Variants in BAIAP2 observed in about 807,000 individuals in gnomAD.
The protein encoded by BAIAP2 is BAR/IMD domain-containing adapter protein 2.
A neutral mutation model predicts 63.0 loss-of-function variants in BAIAP2; 18 were observed. That is an observed-to-expected ratio of 0.29 (90% CI 0.20 to 0.42). BAIAP2 has a LOEUF of 0.42. Ranked by LOEUF, BAIAP2 falls within the 10% of genes least tolerant of loss-of-function variation. The pLI, the probability that BAIAP2 is intolerant of heterozygous loss-of-function variation, is 1.00. For synonymous variants in BAIAP2, 386 were observed against 307.6 expected, an observed-to-expected ratio of 1.25 and a Z score of -2.67; for missense variants, 610 against 734.3, an observed-to-expected ratio of 0.83 and a Z score of 1.96.
chr17:81,096,916 C>A (rs1023879684), intron 6 of BAIAP2, among the ~76,000 whole-genome samples: 2 of 152,188 alleles, frequency 1.3e-5, no homozygotes, highest in African/African-American at 2.4e-5. Context: ...GTACTTCGCG[C>A]TCCAGCTGTG....
At position 81,107,246 on chromosome 17, in the gene BAIAP2, C is replaced by T. The variant is rs899337174; in HGVS notation, c.1500+339C>T. The T allele has an allele frequency of 7.7e-5, 21 of 274,242 alleles. No homozygotes were observed. The East Asian group carries it at 1.1e-3, about 15-fold the overall frequency. 17.0% of individuals were successfully genotyped at this position (274,242 alleles called of 1,614,324 possible). A position where few individuals can be genotyped will look rare whatever the true frequency, so the allele number is the denominator to read the frequency against. Reference sequence around the variant, plus strand: ...TGGCTGGCCTAGAGGTGGGCCTGGACGCCGCCGCCTTTTGGGAGAGCCAGG... The same window carrying T: ...TGGCTGGCCTAGAGGTGGGCCTGGATGCCGCCGCCTTTTGGGAGAGCCAGG... On this transcript the variant is annotated intron_variant, in intron 12 of 13. Transcript: ENST00000428708.
chr17:81,049,682 C>T (rs1331582151), intron 1 of BAIAP2, among the ~76,000 whole-genome samples: 1 of 152,198 alleles, frequency 6.6e-6, no homozygotes, highest in Non-Finnish European at 1.5e-5. Context: ...GTTCTTTCCA[C>T]CTGGGGCCGC....
At chr17:81,110,542 C>A in intron 13 of BAIAP2, 1 of 1,133,090 alleles carries the variant, frequency 8.8e-7, no homozygotes, top group African/African-American at 1.6e-5. Flanking sequence ...CCTTCCGGTT[C>A]CCGGCGTGCG....
intron 6 of BAIAP2, among the ~76,000 whole-genome samples, chr17:81,099,019 G>A (rs1037882630): frequency 1.0e-4 from 13 of 125,392 alleles, no homozygotes; most frequent in Non-Finnish European, 1.8e-4. Flanking sequence ...GGGGACACCC[G>A]GGTGGGCACT....
intron 6 of BAIAP2, among the ~76,000 whole-genome samples, chr17:81,093,969 C>G (rs568260560): frequency 2.0e-5 from 3 of 150,430 alleles, no homozygotes; most frequent in African/African-American, 7.4e-5. Flanking sequence ...GCCGTGTGGC[C>G]ATGTTTCTCT....
intron 6 of BAIAP2, among the ~76,000 whole-genome samples, chr17:81,093,494 G>A (rs369779636): frequency 6.6e-6 from 1 of 152,048 alleles, no homozygotes; most frequent in African/African-American, 2.4e-5. Flanking sequence ...TGCAGCCCTC[G>A]CTGGCCGGTC....
chr17:81,080,512 C>T (rs1162122966), intron 3 of BAIAP2, among the ~76,000 whole-genome samples: 1 of 152,208 alleles, frequency 6.6e-6, no homozygotes, highest in Non-Finnish European at 1.5e-5. Context: ...TGCAGCTGCA[C>T]GGGCGGGTGG....
intron 4 of BAIAP2, 153 bp downstream of exon 4, chr17:81,085,046 A>G: frequency 1.3e-6 from 1 of 769,156 alleles, no homozygotes; most frequent in Admixed American, 2.2e-5. Context: ...CACAAGCCAC[A>G]CTCGAAGGAG....
At position 81,115,023 on chromosome 17, in the gene BAIAP2, C is replaced by T. The variant is rs148278501; in HGVS notation, c.1536-747C>T. 2.2e-4 allele frequency among the ~76,000 whole-genome samples: 33 copies of T among 152,368 alleles called. 1 individual carries two copies. The highest frequency in any genetic ancestry group is 9.1e-4 in the Admixed American group (14 of 15,314). Reference sequence around the variant, plus strand: ...CATCCCCCATCCTGTCCTGTGCTGTCCCCTCCGGGGGTGGGGACTCCAAAG... The same window carrying T: ...CATCCCCCATCCTGTCCTGTGCTGTTCCCTCCGGGGGTGGGGACTCCAAAG... On this transcript the variant is annotated intron_variant, in intron 13 of 13. Coordinates refer to ENST00000428708, the MANE Select transcript of BAIAP2 (RefSeq NM_001144888.2).
chr17:81,036,988 G>A (rs2046362996), intron 1 of BAIAP2: 1 of 1,521,072 alleles, frequency 6.6e-7, no homozygotes, highest in Non-Finnish European at 8.8e-7. Context: ...GTTTTGCTCT[G>A]GGGGACCGAC....
At position 81,055,574 on chromosome 17, in the gene BAIAP2, G is replaced by GTTTTTTT. The variant is rs1555657874; in HGVS notation, c.130+1834_130+1840dup. On this transcript the variant is annotated intron_variant, in intron 2 of 13. Transcript: ENST00000428708. ...CCAGCGAAAGTCTGCAGGGTGTTTT[G>GTTTTTTT]TTTTTTTTTGAGACGGAGTCTCACT... Among the ~76,000 whole-genome samples, 52 of 123,408 alleles carry GTTTTTTT rather than the reference G, an allele frequency of 4.2e-4. 2 individuals are homozygous for GTTTTTTT. Among genetic ancestry groups the GTTTTTTT allele is most frequent in the Admixed American group, 7.5e-4 (8 of 10,732 alleles). 81.0% of individuals were successfully genotyped at this position (123,408 alleles called of 152,430 possible).
intron 13 of BAIAP2, among the ~76,000 whole-genome samples, chr17:81,111,955 C>T (rs542867432): frequency 6.6e-6 from 1 of 152,376 alleles, no homozygotes; most frequent in Non-Finnish European, 1.5e-5. Flanking sequence ...GGCAGCCAGG[C>T]CACAGGCAGA....
chr17:81,108,080 C>A, intron 12 of BAIAP2: 1 of 272,498 alleles, frequency 3.7e-6, no homozygotes, highest in Non-Finnish European at 7.0e-6. Flanking sequence ...GTCCTGGGTC[C>A]TACAAGCAGG....
chr17:81,109,387 A>G (rs1481365116), intron 13 of BAIAP2: 32 of 996,846 alleles, frequency 3.2e-5, no homozygotes, highest in South Asian at 9.7e-5. Flanking sequence ...AAAAAAAAAA[A>G]AAAAAAAAGA....
chr17:81,096,478 G>C (rs1242032978), intron 6 of BAIAP2, among the ~76,000 whole-genome samples: 1 of 152,268 alleles, frequency 6.6e-6, no homozygotes, highest in African/African-American at 2.4e-5. Context: ...CAGCATCCCT[G>C]GCAGTTCCCT....
intron 13 of BAIAP2, chr17:81,110,032 C>T (rs2059715243): frequency 4.1e-6 from 4 of 985,364 alleles, no homozygotes; most frequent in African/African-American, 1.7e-5. Context: ...GAAACAAACA[C>T]AGTGGACTCA....
chr17:81,059,729 G>C (rs977795827), intron 3 of BAIAP2, among the ~76,000 whole-genome samples: 30 of 152,350 alleles, frequency 2.0e-4, no homozygotes, highest in African/African-American at 7.0e-4. Flanking sequence ...GGGATTATAG[G>C]CGTGAGCCAC....
Position 81,104,713 on chromosome 17 carries a change from G to C in BAIAP2, c.1266G>C (p.Lys422Asn), listed in dbSNP as rs1164975179. The C allele has an allele frequency of 6.3e-7, 1 of 1,576,718 alleles. No homozygotes were observed. Among genetic ancestry groups the C allele is most frequent in the Non-Finnish European group, 8.6e-7 (1 of 1,160,268 alleles). ...ACTACGGAGAGAGTGAGAAGACCAA[G>C]ATGTGAGTGTTTCTCGGGGGCGGGC... ...GWHYGESEKT[K>N]MRGWFPFSYT... is the part of the protein sequence containing the mutation. The change falls in exon 10 of 14, where the codon AAG becomes AAC. Residue 422 changes from lysine (K) to asparagine (N), a missense_variant and splice_region_variant. Lys to Asn is a moderately conservative substitution (Grantham distance 94). This residue lies in a region of BAIAP2 where 67 missense variants were observed against 132.0 expected (regional missense o/e 0.51). Coordinates refer to ENST00000428708, the MANE Select transcript of BAIAP2 (RefSeq NM_001144888.2).
At chr17:81,104,398 C>T (rs1332230514) in intron 9 of BAIAP2, 116 bp from the exon 10 acceptor site, 1 of 1,180,682 alleles carries the variant, frequency 8.5e-7, no homozygotes, top group South Asian at 1.5e-5. Flanking sequence ...CTTAGCCAGC[C>T]CACTTACCCA....
Sources: gnomAD v4.1 joint callset for allele counts (sites outside exome capture counted in the v4.1 genomes callset) on GRCh38, gnomAD v4.1.1 for gene constraint, gnomAD v4.1.1 regional missense constraint, MANE v1.5 for transcripts, NCBI Gene and HGNC (gene_info 2026-07-23, HGNC 2026-07-21) for gene names.